HRH1: variants seen among roughly 807,000 people sequenced by gnomAD.
HRH1 encodes histamine receptor H1, also known as histamine H1 receptor.
Under a neutral mutation model 10.3 loss-of-function variants are expected in HRH1, and 6 were observed. The observed-to-expected ratio is 0.58, with a 90% CI of 0.32 to 1.15. The LOEUF is 1.15. Ranked by LOEUF, HRH1 falls within the 50% of genes most tolerant of loss-of-function variation. The pLI is 0.05. For synonymous variants in HRH1, 242 were observed against 236.7 expected (o/e 1.02, Z -0.21); for missense variants, 514 against 615.3 (o/e 0.84, Z 1.74).
At position 11,242,263 on chromosome 3, in the gene HRH1, G is replaced by C. The variant is rs551507350; in HGVS notation, c.-35-16740G>C. Among the ~76,000 whole-genome samples the C allele has an allele frequency of 1.5e-4, 23 of 152,038 alleles. No homozygotes were observed. The South Asian group carries it at 1.7e-3, about 11-fold the overall frequency. ...TTGGGAGGCCAAGGCAGGCGGATCA[G>C]GAGGTCAGGAGATCAAGACCATCCT... is the stretch of plus-strand genomic sequence containing the variant. On this transcript the variant is annotated intron_variant, in intron 1 of 1. Transcript: ENST00000431010.
intron 1 of HRH1, chr3:11,234,688 G>C: frequency 1.8e-6 from 2 of 1,112,602 alleles, no homozygotes; most frequent in Non-Finnish European, 2.8e-6. Context: ...CATGGCTGCA[G>C]CCCTGCCCTG....
intron 1 of HRH1, among the ~76,000 whole-genome samples, chr3:11,190,342 T>G (rs1223804806): frequency 6.6e-6 from 1 of 151,366 alleles, no homozygotes; most frequent in African/African-American, 2.4e-5. Context: ...TGAGACTCTG[T>G]CTCTAGTAAT....
intron 1 of HRH1, among the ~76,000 whole-genome samples, chr3:11,158,607 C>T (rs73130415): frequency 0.024 from 3,663 of 152,122 alleles, 152 homozygotes; most frequent in African/African-American, 0.082. Flanking sequence ...TTTAATATCT[C>T]GTGACATGGC....
chr3:11,239,449 A>G (rs556927795), intron 1 of HRH1, among the ~76,000 whole-genome samples: 2 of 152,262 alleles, frequency 1.3e-5, no homozygotes, highest in African/African-American at 4.8e-5. Context: ...ACCTATAAAT[A>G]TTTTCTTCCA....
intron 1 of HRH1, among the ~76,000 whole-genome samples, chr3:11,212,361 T>G (rs1938356178): frequency 6.6e-6 from 1 of 152,198 alleles, no homozygotes; most frequent in African/African-American, 2.4e-5. Flanking sequence ...AATTTTCATT[T>G]CTCTCTGGTG....
rs138354283 is a variant in HRH1 at position 11,207,542 on chromosome 3, C to G, written c.-35-51461C>G. Reference sequence around the variant, plus strand: ...CGAGATCATGCCACTGCACTCCAGCCTGGGCGACAGAGCGAGACTCTGTCT... The same window carrying G: ...CGAGATCATGCCACTGCACTCCAGCGTGGGCGACAGAGCGAGACTCTGTCT... On this transcript the variant is annotated intron_variant, in intron 1 of 1. Coordinates refer to ENST00000431010, the MANE Select transcript of HRH1 (RefSeq NM_001098212.2). 5.0e-3 allele frequency among the ~76,000 whole-genome samples: 754 copies of G among 152,276 alleles called. 4 individuals are homozygous for G. The highest frequency in any genetic ancestry group is 8.0e-3 in the East Asian group (41 of 5,156).
At chr3:11,189,909 C>T (rs1222618584) in intron 1 of HRH1, among the ~76,000 whole-genome samples, 3 of 152,008 alleles carry the variant, frequency 2.0e-5, no homozygotes, top group Non-Finnish European at 4.4e-5. Flanking sequence ...GAGATCATGC[C>T]GCTGCACTCC....
intron 1 of HRH1, among the ~76,000 whole-genome samples, chr3:11,203,619 C>A (rs531686640): frequency 1.6e-4 from 24 of 152,296 alleles, no homozygotes; most frequent in Admixed American, 5.9e-4. Context: ...GAATTTTTCT[C>A]CATTGTATTG....
At chr3:11,218,546 T>A (rs914645210) in intron 1 of HRH1, among the ~76,000 whole-genome samples, 1 of 152,088 alleles carries the variant, frequency 6.6e-6, no homozygotes, top group Non-Finnish European at 1.5e-5. Context: ...GGGACACATA[T>A]GAGGAGCACA....
chr3:11,142,040 C>A (rs1936301647), intron 1 of HRH1, among the ~76,000 whole-genome samples: 1 of 152,198 alleles, frequency 6.6e-6, no homozygotes, highest in African/African-American at 2.4e-5. Context: ...ATGGGTAATG[C>A]CCTCTGCCCT....
rs1575037333 is a variant in HRH1, at chr3:11,241,823, G to A, written c.-35-17180G>A. Among the ~76,000 whole-genome samples, 5 of 148,518 alleles carry A rather than the reference G, an allele frequency of 3.4e-5. No homozygotes were observed. The South Asian group carries it at 6.4e-4, about 19-fold the overall frequency. ...TGCATTCCAGCCTGGGGGACAGAGC[G>A]AGACTCCGTTTCAAAAAAAAAAAAA... is the stretch of plus-strand genomic sequence containing the variant. On this transcript the variant is annotated intron_variant, in intron 1 of 1. Coordinates refer to ENST00000431010, the MANE Select transcript of HRH1 (RefSeq NM_001098212.2).
At chr3:11,226,541 A>C (rs1938887431) in intron 1 of HRH1, 1 of 152,140 alleles carries the variant, frequency 6.6e-6, no homozygotes, top group Non-Finnish European at 1.5e-5. Flanking sequence ...GGTTGAAGTT[A>C]CTTTTCCATA....
At chr3:11,194,556 G>C (rs566918122) in intron 1 of HRH1, among the ~76,000 whole-genome samples, 1 of 152,344 alleles carries the variant, frequency 6.6e-6, no homozygotes, top group South Asian at 2.1e-4. Flanking sequence ...AGCAGGGCAT[G>C]TTGGCTCACG....
chr3:11,235,934 G>T (rs185380410), intron 1 of HRH1, among the ~76,000 whole-genome samples: 1 of 152,086 alleles, frequency 6.6e-6, no homozygotes, highest in Non-Finnish European at 1.5e-5. Flanking sequence ...GCTACTTCAG[G>T]TCAAAATCTC....
chr3:11,235,214 C>CA (rs111638451), intron 1 of HRH1, among the ~76,000 whole-genome samples: 9,567 of 128,510 alleles, frequency 0.074, 455 homozygotes, highest in African/African-American at 0.15. Context: ...GACTCCATCT[C>CA]AAAAAAAAAA....
intron 1 of HRH1, among the ~76,000 whole-genome samples, chr3:11,168,393 A>AGGAAGCG (rs1559258471): frequency 6.6e-6 from 1 of 152,194 alleles, no homozygotes; most frequent in Non-Finnish European, 1.5e-5. Flanking sequence ...TGACGCACAG[A>AGGAAGCG]GGAAGCGGGG....
intron 1 of HRH1, among the ~76,000 whole-genome samples, chr3:11,241,192 A>T (rs2152580183): frequency 6.6e-6 from 1 of 152,342 alleles, no homozygotes; most frequent in African/African-American, 2.4e-5. Context: ...GTACCCAGAG[A>T]AAACCATGGT....
chr3:11,251,097 G>A (rs111726797), intron 1 of HRH1, among the ~76,000 whole-genome samples: 3,954 of 152,182 alleles, frequency 0.026, 68 homozygotes, highest in Middle Eastern at 0.037. Flanking sequence ...CTTTTTCTCT[G>A]GGGGAGAAAA....
intron 1 of HRH1, among the ~76,000 whole-genome samples, chr3:11,208,195 C>T (rs556050021): frequency 1.4e-3 from 214 of 151,480 alleles, no homozygotes; most frequent in Non-Finnish European, 1.9e-3. Flanking sequence ...CTCTGTCACC[C>T]AGGCTGGAGT....
Sources: gnomAD v4.1 joint callset for allele counts (sites outside exome capture counted in the v4.1 genomes callset) on GRCh38, gnomAD v4.1.1 for gene constraint, MANE v1.5 for transcripts, NCBI Gene and HGNC (gene_info 2026-07-23, HGNC 2026-07-21) for gene names.